The following BBX variants were observed in gnomAD, a reference collection of about 807,000 sequenced individuals.
BBX encodes the protein BBX high mobility group box domain containing, also known as HMG box transcription factor BBX.
BBX carries 30 observed loss-of-function variants against 100.2 expected under a neutral mutation model. That is an observed-to-expected ratio of 0.30 (90% confidence interval 0.22 to 0.41). The LOEUF is 0.41. Among genes scored for constraint, BBX ranks in the 10% least tolerant of loss-of-function variants. BBX has a pLI of 1.00. For missense variants in BBX, 1,023 were observed against 1,129.8 expected, an observed-to-expected ratio of 0.91 and a Z score of 1.35; for synonymous variants, 376 against 388.1, an observed-to-expected ratio of 0.97 and a Z score of 0.37.
At chr3:107,544,942 G>A (rs1310366655) in intron 2 of BBX, among the ~76,000 whole-genome samples, 2 of 151,828 alleles carry the variant, frequency 1.3e-5, no homozygotes, top group Non-Finnish European at 1.5e-5. Context: ...GCATGAACCC[G>A]GGAGGTGGAG....
At position 107,733,230 on chromosome 3, in the gene BBX, C is replaced by T. The variant is rs539791674; in HGVS notation, c.669+207C>T. Among the ~76,000 whole-genome samples the T allele has an allele frequency of 2.0e-5, 3 of 152,166 alleles. 1 individual carries two copies. The highest frequency in any genetic ancestry group is 7.2e-5 in the African/African-American group (3 of 41,526). On this transcript the variant is annotated intron_variant, in intron 7 of 17. Coordinates refer to ENST00000325805, the MANE Select transcript of BBX (RefSeq NM_001142568.3). ...AAATAAGGCCATGAGGATGTAAACA[C>T]AGGTGTTGTTTTCTGAACCTACAAG... is the stretch of plus-strand genomic sequence containing the variant.
At chr3:107,621,070 G>A (rs2055724838) in intron 2 of BBX, among the ~76,000 whole-genome samples, 1 of 152,104 alleles carries the variant, frequency 6.6e-6, no homozygotes, top group Non-Finnish European at 1.5e-5. Flanking sequence ...CTCAACCATA[G>A]CCAGCATTGG....
chr3:107,565,159 A>G (rs905280133), intron 2 of BBX, among the ~76,000 whole-genome samples: 1 of 152,156 alleles, frequency 6.6e-6, no homozygotes, highest in African/African-American at 2.4e-5. Flanking sequence ...TTTTTAAAAA[A>G]TTGATCATAT....
At chr3:107,736,114 A>C (rs2063618406) in intron 7 of BBX, among the ~76,000 whole-genome samples, 1 of 152,074 alleles carries the variant, frequency 6.6e-6, no homozygotes, top group Non-Finnish European at 1.5e-5. Context: ...AAATCGATAC[A>C]TTGAGCACGA....
In BBX at chr3:107,628,350, G is replaced by T. The variant is rs565348702; in HGVS notation, c.-83-17486G>T. Among the ~76,000 whole-genome samples the T allele has an allele frequency of 3.3e-5, 5 of 151,902 alleles. No individual in the cohort carries two copies. The East Asian group carries it at 9.7e-4, about 29-fold the overall frequency. On this transcript the variant is annotated intron_variant, in intron 2 of 17. Coordinates refer to ENST00000325805, the MANE Select transcript of BBX (RefSeq NM_001142568.3). The stretch of plus-strand genomic sequence containing the variant: ...AAAATTGTGTGCATGTGCAAATAAA[G>T]TGTATTTATCAAGAGTTTGCTTTTT...
At chr3:107,750,241 T>G (rs1494498) in intron 9 of BBX, among the ~76,000 whole-genome samples, 1 of 151,888 alleles carries the variant, frequency 6.6e-6, no homozygotes, top group East Asian at 1.9e-4. Context: ...ACAGCACTCA[T>G]CTCCTGAGGA....
intron 7 of BBX, among the ~76,000 whole-genome samples, chr3:107,735,049 T>C (rs2063551433): frequency 6.6e-6 from 1 of 152,282 alleles, no homozygotes; most frequent in South Asian, 2.1e-4. Flanking sequence ...ATATTCAGTA[T>C]TTCCCATCTC....
chr3:107,533,140 A>G (rs1221335480), intron 2 of BBX, among the ~76,000 whole-genome samples: 2 of 152,234 alleles, frequency 1.3e-5, no homozygotes, highest in East Asian at 1.9e-4. Context: ...ATTATCCTAG[A>G]TATAGCTAGG....
At chr3:107,633,906 C>A (rs1356863863) in intron 2 of BBX, among the ~76,000 whole-genome samples, 1 of 152,100 alleles carries the variant, frequency 6.6e-6, no homozygotes, top group Non-Finnish European at 1.5e-5. Context: ...GTTTCTTAGC[C>A]CCTCTTCATA....
intron 3 of BBX, among the ~76,000 whole-genome samples, chr3:107,660,505 T>TAAAAAAA (rs34604623): frequency 9.9e-6 from 1 of 101,318 alleles, no homozygotes; most frequent in Non-Finnish European, 2.0e-5. Flanking sequence ...CAAAAAGCAT[T>TAAAAAAA]AAAAAAAAAA....
intron 2 of BBX, among the ~76,000 whole-genome samples, chr3:107,582,164 T>C (rs1261735136): frequency 1.3e-5 from 2 of 152,082 alleles, no homozygotes; most frequent in African/African-American, 4.8e-5. Context: ...GTAGAGGTAT[T>C]GTTAAAGTAC....
At chr3:107,577,052 G>A (rs541793146) in intron 2 of BBX, among the ~76,000 whole-genome samples, 1 of 152,064 alleles carries the variant, frequency 6.6e-6, no homozygotes, top group Admixed American at 6.6e-5. Context: ...GTAGAGATGG[G>A]GTTTCACCGT....
rs541599635 is a variant in BBX, at chr3:107,802,825, A to G, written c.2738+1544A>G. ...GGTGGAATCACTTACCCCTTTCCAG[A>G]TACGCCAAGCTCTTGCCTTGTACAT... On this transcript the variant is annotated intron_variant, in intron 17 of 17. Transcript: ENST00000325805. Among the ~76,000 whole-genome samples the G allele has an allele frequency of 2.0e-5, 3 of 152,230 alleles. No individual in the cohort carries two copies. In the South Asian group the frequency reaches 6.2e-4, roughly 32 times the overall value.
At chr3:107,590,854 G>T (rs2053254065) in intron 2 of BBX, among the ~76,000 whole-genome samples, 1 of 152,222 alleles carries the variant, frequency 6.6e-6, no homozygotes, top group Non-Finnish European at 1.5e-5. Flanking sequence ...TTGGGTTGGG[G>T]ACAGATAGTA....
chr3:107,687,352 G>A (rs1341624852), intron 3 of BBX, among the ~76,000 whole-genome samples: 1 of 148,192 alleles, frequency 6.7e-6, no homozygotes, highest in Non-Finnish European at 1.5e-5. Flanking sequence ...TTTTTTTAAC[G>A]AGTATAAAGG....
intron 3 of BBX, among the ~76,000 whole-genome samples, chr3:107,707,871 T>TA (rs1397625158): frequency 1.3e-5 from 2 of 152,208 alleles, no homozygotes; most frequent in African/African-American, 4.8e-5. Flanking sequence ...CATAGTTAAA[T>TA]AATAATTTAA....
chr3:107,789,915 C>A, intron 14 of BBX, 39 bp downstream of exon 14: 1 of 1,444,626 alleles, frequency 6.9e-7, no homozygotes, highest in South Asian at 1.2e-5. Context: ...GGTTCTTGGT[C>A]ACCTCCATTG....
intron 2 of BBX, among the ~76,000 whole-genome samples, chr3:107,631,511 GTTAAAAACCA>G (rs1212525249): frequency 6.6e-6 from 1 of 151,026 alleles, no homozygotes; most frequent in Non-Finnish European, 1.5e-5. Context: ...GCATGTTTGG[GTTAAAAACCA>G]TTCTCCTTGC....
chr3:107,752,309 A>G (rs773962621), intron 9 of BBX, among the ~76,000 whole-genome samples: 3 of 152,224 alleles, frequency 2.0e-5, no homozygotes, highest in Non-Finnish European at 2.9e-5. Flanking sequence ...TTGTTACACT[A>G]TATTACAGTT....
Sources: gnomAD v4.1 joint callset for allele counts (sites outside exome capture counted in the v4.1 genomes callset) on GRCh38, gnomAD v4.1.1 for gene constraint, MANE v1.5 for transcripts, NCBI Gene and HGNC (gene_info 2026-07-23, HGNC 2026-07-21) for gene names.